The following CABP1 variants were observed in gnomAD, a reference collection of about 807,000 sequenced individuals.
CABP1 encodes the protein calcium binding protein 1, also known as calcium-binding protein 1.
Under a neutral mutation model 34.3 loss-of-function variants are expected in CABP1, and 17 were observed. The ratio of observed to expected loss-of-function variants is 0.50; its 90% CI spans 0.34 to 0.74. The LOEUF (loss-of-function observed/expected upper bound fraction) is 0.74. Ranked by LOEUF, CABP1 falls within the 30% of genes least tolerant of loss-of-function variation. CABP1 has a pLI of 0.01. For missense variants in CABP1, 373 were observed against 511.1 expected (o/e 0.73, Z 2.61); for synonymous variants, 198 against 229.2 (o/e 0.86, Z 1.23).
chr12:120,674,897 C>T, the CABP1 span, among the ~76,000 whole-genome samples: 18,145 of 147,450 alleles, frequency 0.12, 1,213 homozygotes, highest in Non-Finnish European at 0.14. Context: ...TCTGCCAACA[C>T]CCACCTCCGC....
Position 120,640,651 on chromosome 12 carries a change from G to A in CABP1, c.-35G>A. ...AGATCTGCACCGCCAGCCGCCGGGA[G>A]CTCCGGGCTCCGGGCGTAGAGGCTG... On this transcript the variant is annotated 5_prime_UTR_variant, in exon 1 of 6. Transcript: ENST00000316803. The surrounding 1 kb of genome is among the most constrained non-coding windows in gnomAD (Gnocchi z 6.2). The A allele has an allele frequency of 1.7e-6, 2 of 1,158,658 alleles. No individual in the cohort carries two copies. The highest frequency in any genetic ancestry group is 2.1e-6 in the Non-Finnish European group (2 of 941,046). 71.8% of individuals were successfully genotyped at this position (1,158,658 alleles called of 1,614,324 possible). A position where few individuals can be genotyped will look rare whatever the true frequency, so the allele number is the denominator to read the frequency against.
chr12:120,649,919 C>A (rs563972663), intron 1 of CABP1, among the ~76,000 whole-genome samples: 3 of 152,278 alleles, frequency 2.0e-5, no homozygotes, highest in Admixed American at 2.0e-4. Flanking sequence ...TTGCCAGGGG[C>A]AGTGAGTGCT....
At chr12:120,643,736 T>C (rs1879437975) in intron 1 of CABP1, among the ~76,000 whole-genome samples, 1 of 152,246 alleles carries the variant, frequency 6.6e-6, no homozygotes, top group Admixed American at 6.5e-5. Flanking sequence ...TGGCCAAGTC[T>C]ATTTCTTTAC....
chr12:120,644,290 G>A (rs1158392712), intron 1 of CABP1, among the ~76,000 whole-genome samples: 1 of 152,178 alleles, frequency 6.6e-6, no homozygotes, highest in Non-Finnish European at 1.5e-5. Flanking sequence ...ATAAAGGGCA[G>A]CCTTCATTAA....
chr12:120,672,588 C>T, the CABP1 span, among the ~76,000 whole-genome samples: 10 of 131,798 alleles, frequency 7.6e-5, no homozygotes, highest in East Asian at 6.3e-4. Flanking sequence ...GTCAAGATAG[C>T]GCCATTGCAC....
At chr12:120,656,433 T>C (rs928703594) in intron 1 of CABP1, among the ~76,000 whole-genome samples, 57 of 141,690 alleles carry the variant, frequency 4.0e-4, no homozygotes, top group African/African-American at 1.5e-3. Flanking sequence ...TGAGTCCATA[T>C]CCACGAGCAA....
At chr12:120,680,312 AAGG>A in the CABP1 span, among the ~76,000 whole-genome samples, 1 of 152,192 alleles carries the variant, frequency 6.6e-6, no homozygotes, top group Non-Finnish European at 1.5e-5. Context: ...TTTCAGGAGA[AAGG>A]AGACTCAGCA....
In CABP1 at chr12:120,661,402, T is replaced by A; in HGVS notation, c.1087+184T>A. 1.7e-6 allele frequency: 1 copy of A among 600,862 alleles called. No homozygotes were observed. The highest frequency in any genetic ancestry group is 2.9e-6 in the Non-Finnish European group (1 of 345,956). 37.2% of individuals were successfully genotyped at this position (600,862 alleles called of 1,614,324 possible). Reference sequence around the variant, plus strand: ...ATCTCCCATCCCTTCCCCATGCATCTATTCATGCATCTGTCCATCCATCTA... The same window carrying A: ...ATCTCCCATCCCTTCCCCATGCATCAATTCATGCATCTGTCCATCCATCTA... On this transcript the variant is annotated intron_variant, in intron 5 of 5. Transcript: ENST00000316803. The surrounding 1 kb of genome is among the most constrained non-coding windows in gnomAD (Gnocchi z 5.1).
intron 1 of CABP1, among the ~76,000 whole-genome samples, chr12:120,649,579 C>T (rs1012740761): frequency 2.5e-4 from 38 of 152,108 alleles, no homozygotes; most frequent in African/African-American, 2.7e-4. Flanking sequence ...CTTCTCTGCC[C>T]GGCACCCCAA....
rs1593168808 is a variant in CABP1, at chr12:120,661,284, G to A, written c.1087+66G>A. Reference sequence around the variant, plus strand: ...TGGCCATCCATGGAGCCCTCCAATTGTGTATCCATCATGCAACCATCAATC... The same window carrying A: ...TGGCCATCCATGGAGCCCTCCAATTATGTATCCATCATGCAACCATCAATC... On this transcript the variant is annotated intron_variant, in intron 5 of 5. Coordinates refer to ENST00000316803, the MANE Select transcript of CABP1 (RefSeq NM_001033677.2). The surrounding 1 kb of genome is among the most constrained non-coding windows in gnomAD (Gnocchi z 5.1). The A allele has an allele frequency of 1.9e-6, 3 of 1,549,634 alleles. No homozygotes were observed. Among genetic ancestry groups the A allele is most frequent in the Non-Finnish European group, 2.6e-6 (3 of 1,149,938 alleles).
Position 120,663,414 on chromosome 12 carries a change from A to G in CABP1, c.1087+2196A>G, listed in dbSNP as rs1346194131. Among the ~76,000 whole-genome samples the G allele has an allele frequency of 5.9e-5, 9 of 151,938 alleles. 1 individual carries two copies. The highest frequency in any genetic ancestry group is 2.0e-4 in the Admixed American group (3 of 15,248). ...CTCAGCCTCCCGAGTAGCTGGGACTATAGGGGTGCACCACCATGCCTGGCT... is the reference window on the plus strand; with the variant it reads ...CTCAGCCTCCCGAGTAGCTGGGACTGTAGGGGTGCACCACCATGCCTGGCT... On this transcript the variant is annotated intron_variant, in intron 5 of 5. Transcript: ENST00000316803.
Position 120,660,701 on chromosome 12 carries a change from G to A in CABP1, c.830-30G>A. The A allele has an allele frequency of 6.8e-7, 1 of 1,467,786 alleles. No homozygotes were observed. The highest frequency in any genetic ancestry group is 1.4e-5 in the African/African-American group (1 of 72,210). The allele number at this position is 1,467,786 out of a possible 1,614,324, so 90.9% of individuals were successfully genotyped here. On this transcript the variant is annotated intron_variant, in intron 3 of 5. Transcript: ENST00000316803. The surrounding 1 kb of genome is among the most constrained non-coding windows in gnomAD (Gnocchi z 5.0). ...TGGAGACAGGGAATGGGTATGTCGG[G>A]GATGACCTAGCCCTTTCCTCCTTTT... is the stretch of plus-strand genomic sequence containing the variant.
In CABP1 at chr12:120,661,643, ATCCATCCG is replaced by A. The variant is rs377705846; in HGVS notation, c.1087+433_1087+440del. The A allele has an allele frequency of 1.4e-3, 213 of 156,304 alleles. 3 individuals are homozygous for A. The highest frequency in any genetic ancestry group is 2.6e-3 in the Admixed American group (42 of 16,260). 9.7% of individuals were successfully genotyped at this position (156,304 alleles called of 1,614,324 possible). A position where few individuals can be genotyped will look rare whatever the true frequency, so the allele number is the denominator to read the frequency against. On this transcript the variant is annotated intron_variant, in intron 5 of 5. Transcript: ENST00000316803. This position sits in a 1 kb window ranked among gnomAD's most constrained non-coding sequence, Gnocchi z 5.1. ...CATCCATCCATCCATTTATCCATCCATCCATCCGTCCATCCATTCGTCTACATATCTAT... is the reference window on the plus strand; with the variant it reads ...CATCCATCCATCCATTTATCCATCCATCCATCCATTCGTCTACATATCTAT...
intron 1 of CABP1, 148 bp from the exon 2 acceptor site, chr12:120,659,730 C>G (rs987621069): frequency 3.1e-5 from 20 of 644,954 alleles, no homozygotes; most frequent in Non-Finnish European, 4.9e-5. Flanking sequence ...TTTCTTCTCC[C>G]CTCAAGGACC....
intron 1 of CABP1, among the ~76,000 whole-genome samples, chr12:120,643,908 C>T (rs184753251): frequency 1.4e-4 from 22 of 152,350 alleles, no homozygotes; most frequent in African/African-American, 5.3e-4. Flanking sequence ...GGCCTTCTTC[C>T]TTTTCATTTG....
At chr12:120,658,066 T>C (rs970931788) in intron 1 of CABP1, among the ~76,000 whole-genome samples, 3 of 149,216 alleles carry the variant, frequency 2.0e-5, no homozygotes, top group Non-Finnish European at 4.4e-5. Flanking sequence ...TGACCTACCC[T>C]TAAGCCAGGC....
At chr12:120,658,216 C>T (rs1051576816) in intron 1 of CABP1, among the ~76,000 whole-genome samples, 4 of 151,802 alleles carry the variant, frequency 2.6e-5, no homozygotes, top group African/African-American at 9.7e-5. Flanking sequence ...GCCTCAGCCT[C>T]CCGAGTAGCT....
At chr12:120,658,037 G>A (rs1161511687) in intron 1 of CABP1, among the ~76,000 whole-genome samples, 1 of 151,226 alleles carries the variant, frequency 6.6e-6, no homozygotes, top group African/African-American at 2.4e-5. Context: ...GAACATATGG[G>A]TTTGTGTTGG....
downstream of CABP1, among the ~76,000 whole-genome samples, chr12:120,668,110 G>A (rs1359353136): frequency 6.6e-6 from 1 of 152,214 alleles, no homozygotes; most frequent in African/African-American, 2.4e-5. Context: ...CTGGCCTCCT[G>A]TAGGGAGGTC....
Sources: gnomAD v4.1 joint callset for allele counts (sites outside exome capture counted in the v4.1 genomes callset) on GRCh38, gnomAD v4.1.1 for gene constraint, Gnocchi (gnomAD v3.1) non-coding constraint, MANE v1.5 for transcripts, NCBI Gene and HGNC (gene_info 2026-07-23, HGNC 2026-07-21) for gene names.